ACVR1C: variants seen among roughly 807,000 people sequenced by gnomAD.
ACVR1C encodes activin A receptor type 1C, also known as activin receptor type-1C.
ACVR1C carries 23 observed loss-of-function variants against 57.9 expected under a neutral mutation model. The ratio of observed to expected loss-of-function variants is 0.40; its 90% CI spans 0.29 to 0.56. The LOEUF is 0.56. Among genes scored for constraint, ACVR1C ranks in the 20% least tolerant of loss-of-function variants. The pLI, the probability that ACVR1C is intolerant of heterozygous loss-of-function variation, is 0.50. For synonymous variants in ACVR1C, 214 were observed against 215.3 expected (o/e 0.99, Z 0.05); for missense variants, 480 against 607.9 (o/e 0.79, Z 2.21).
At chr2:157,550,052 AGGTGAATTTATTT>A in intron 4 of ACVR1C, 97 bp downstream of exon 4, 1 of 610,002 alleles carries the variant, frequency 1.6e-6, no homozygotes, top group Non-Finnish European at 2.8e-6. Context: ...AAAAAAGAAG[AGGTGAATTTATTT>A]TTTCTTATCT....
At chr2:157,551,924 C>T (rs1687933884) in intron 3 of ACVR1C, among the ~76,000 whole-genome samples, 1 of 152,114 alleles carries the variant, frequency 6.6e-6, no homozygotes, top group Non-Finnish European at 1.5e-5. Context: ...GTCACAAAAC[C>T]CTACAGGAAG....
chr2:157,542,248 T>C (rs565330224), intron 6 of ACVR1C, among the ~76,000 whole-genome samples: 1 of 152,318 alleles, frequency 6.6e-6, no homozygotes, highest in African/African-American at 2.4e-5. Flanking sequence ...CATAAGTGTA[T>C]TCAGCATATA....
intron 2 of ACVR1C, among the ~76,000 whole-genome samples, chr2:157,582,919 A>T (rs1688824754): frequency 6.6e-6 from 1 of 152,114 alleles, no homozygotes; most frequent in African/African-American, 2.4e-5. Flanking sequence ...TCACTCTGTC[A>T]CCCAGACTGG....
intron 2 of ACVR1C, among the ~76,000 whole-genome samples, chr2:157,585,536 C>T (rs1160669846): frequency 6.6e-6 from 1 of 152,026 alleles, no homozygotes; most frequent in African/African-American, 2.4e-5. Flanking sequence ...CCCTCTAATA[C>T]CTTTTGTTAT....
intron 2 of ACVR1C, among the ~76,000 whole-genome samples, chr2:157,557,164 C>CAA (rs35826956): frequency 4.1e-3 from 541 of 131,398 alleles, no homozygotes; most frequent in Middle Eastern, 0.016. Flanking sequence ...AATGGTGCTA[C>CAA]AAAAAAAAAA....
rs1281220611 is a variant in ACVR1C at position 157,531,485 on chromosome 2, AC to A, written c.*2432del. ...TAGACACCCTCAAATAAGCTACAAA[AC>A]ATAATGACAAGAAAAATGGAGATGG... On this transcript the variant is annotated 3_prime_UTR_variant, in exon 9 of 9. Transcript: ENST00000243349. 1 of 152,100 alleles carries A rather than the reference AC, an allele frequency of 6.6e-6. No homozygotes were observed. Among genetic ancestry groups the A allele is most frequent in the Non-Finnish European group, 1.5e-5 (1 of 67,952 alleles). The allele number at this position is 152,100 out of a possible 1,614,324, so 9.4% of individuals were successfully genotyped here.
At chr2:157,546,110 C>T (rs1687749533) in intron 4 of ACVR1C, among the ~76,000 whole-genome samples, 1 of 152,132 alleles carries the variant, frequency 6.6e-6, no homozygotes, top group Non-Finnish European at 1.5e-5. Flanking sequence ...ATCCAATAAA[C>T]ATCATGATTA....
rs60269781 is a variant in ACVR1C at position 157,555,101 on chromosome 2, C to CTTTTTTTTTTT, written c.544+981_544+991dup. Reference sequence around the variant, plus strand: ...ATAATACAGCCTGGTACTTTGAACGCTTTTTTTTTTTTTTTTTTTTTTTTT... The same window carrying CTTTTTTTTTTT: ...ATAATACAGCCTGGTACTTTGAACGCTTTTTTTTTTTTTTTTTTTTTTTTTTTTTTTTTTTT... On this transcript the variant is annotated intron_variant, in intron 3 of 8. Transcript: ENST00000243349. Among the ~76,000 whole-genome samples the CTTTTTTTTTTT allele has an allele frequency of 9.9e-4, 83 of 83,946 alleles. 9 individuals are homozygous for CTTTTTTTTTTT. The highest frequency in any genetic ancestry group is 2.7e-3 in the African/African-American group (45 of 16,854). 55.1% of individuals were successfully genotyped at this position (83,946 alleles called of 152,430 possible).
Position 157,538,595 on chromosome 2 carries a change from G to A in ACVR1C, c.1334C>T (p.Pro445Leu). Reference sequence around the variant, plus strand: ...TACTTCACAACTTTGCCACTGGTTTGGGATACTTGGTCGAAACTTCTGGTC... The same window carrying A: ...TACTTCACAACTTTGCCACTGGTTTAGGATACTTGGTCGAAACTTCTGGTC... ...VCDQKFRPSI[P>L]NQWQSCEALR... Residue 445 changes from proline (P) to leucine (L), a missense_variant, in exon 8 of 9, where the codon CCA becomes CTA. Coordinates refer to ENST00000243349, the MANE Select transcript of ACVR1C (RefSeq NM_145259.3). The A allele has an allele frequency of 6.3e-7, 1 of 1,576,696 alleles. No homozygotes were observed. The highest frequency in any genetic ancestry group is 8.6e-7 in the Non-Finnish European group (1 of 1,162,644).
chr2:157,572,307 G>A (rs540437977), intron 2 of ACVR1C, among the ~76,000 whole-genome samples: 8 of 144,260 alleles, frequency 5.5e-5, no homozygotes, highest in African/African-American at 1.8e-4. Context: ...CATGGCACAT[G>A]TATACATATG....
intron 1 of ACVR1C, among the ~76,000 whole-genome samples, chr2:157,619,398 G>A (rs1269135521): frequency 6.6e-6 from 1 of 151,972 alleles, no homozygotes; most frequent in Non-Finnish European, 1.5e-5. Context: ...ATGAGCTGAA[G>A]CAGTTGCTGA....
At chr2:157,606,519 T>C (rs972580296) in intron 1 of ACVR1C, among the ~76,000 whole-genome samples, 2 of 151,982 alleles carry the variant, frequency 1.3e-5, no homozygotes, top group African/African-American at 2.4e-5. Flanking sequence ...TGATATCTCA[T>C]GGTGGTTTTG....
At chr2:157,588,212 A>G (rs186516759) in intron 1 of ACVR1C, among the ~76,000 whole-genome samples, 2 of 149,666 alleles carry the variant, frequency 1.3e-5, no homozygotes, top group East Asian at 3.9e-4. Flanking sequence ...CACTGTCTAC[A>G]CCTCCCCAAC....
rs561329387 is a variant in ACVR1C, at chr2:157,547,152, A to C, written c.776-2540T>G. ...TCCCTACAAAGGACATGAACTCATC[A>C]TTTTTTATGGCTGCATAGTATTCCA... On this transcript the variant is annotated intron_variant, in intron 4 of 8. Coordinates refer to ENST00000243349, the MANE Select transcript of ACVR1C (RefSeq NM_145259.3). Among the ~76,000 whole-genome samples, 462 of 132,822 alleles carry C rather than the reference A, an allele frequency of 3.5e-3. 4 individuals carry two copies. The highest frequency in any genetic ancestry group is 0.012 in the African/African-American group (440 of 36,196). The allele number at this position is 132,822 out of a possible 152,430, so 87.1% of individuals were successfully genotyped here. A position where few individuals can be genotyped will look rare whatever the true frequency, so the allele number is the denominator to read the frequency against.
chr2:157,609,023 T>G (rs2105146624), intron 1 of ACVR1C, among the ~76,000 whole-genome samples: 1 of 151,976 alleles, frequency 6.6e-6, no homozygotes, highest in Admixed American at 6.5e-5. Flanking sequence ...TAATTTGGGG[T>G]TTGGTTTGCT....
chr2:157,527,169 T>A lies in ACVR1C; in HGVS notation c.*6749A>T, dbSNP rs181102767. ...ATTCATTTCTCTTTGGAGTTTGAAA[T>A]TCTCTTCACCTTCCACATTTAAATT... is the stretch of plus-strand genomic sequence containing the variant. On this transcript the variant is annotated 3_prime_UTR_variant, in exon 9 of 9. Coordinates refer to ENST00000243349, the MANE Select transcript of ACVR1C (RefSeq NM_145259.3). 3.3e-5 allele frequency: 5 copies of A among 152,290 alleles called. No homozygotes were observed. The highest frequency in any genetic ancestry group is 1.5e-5 in the Non-Finnish European group (1 of 68,004). 9.4% of individuals were successfully genotyped at this position (152,290 alleles called of 1,614,324 possible).
rs543724439 is a variant in ACVR1C at position 157,535,332 on chromosome 2, A to G, written c.1357-1289T>C. Among the ~76,000 whole-genome samples the G allele has an allele frequency of 9.9e-5, 15 of 152,218 alleles. No homozygotes were observed. In the East Asian group the frequency reaches 2.3e-3, roughly 24 times the overall value. On this transcript the variant is annotated intron_variant, in intron 8 of 8. Transcript: ENST00000243349. ...ACCTGAGCTCATAATGAAAATTCAC[A>G]AACACATGAGGAAAAAAGGTACCAT... is the stretch of plus-strand genomic sequence containing the variant.
At chr2:157,597,364 A>T in intron 1 of ACVR1C, 1 of 985,546 alleles carries the variant, frequency 1.0e-6, no homozygotes, top group Non-Finnish European at 1.2e-6. Flanking sequence ...CCTTGCCTGG[A>T]CTTGCAGGTT....
chr2:157,566,881 G>A (rs924921425), intron 2 of ACVR1C, among the ~76,000 whole-genome samples: 11 of 151,922 alleles, frequency 7.2e-5, no homozygotes, highest in African/African-American at 1.7e-4. Flanking sequence ...AAGGAGGCCT[G>A]CCTGCCTCTG....
Sources: gnomAD v4.1 joint callset for allele counts (sites outside exome capture counted in the v4.1 genomes callset) on GRCh38, gnomAD v4.1.1 for gene constraint, MANE v1.5 for transcripts, NCBI Gene and HGNC (gene_info 2026-07-23, HGNC 2026-07-21) for gene names.